Variants in MUC3A observed in about 807,000 individuals in gnomAD.
MUC3A encodes mucin 3A, cell surface associated.
MUC3A carries 109 observed loss-of-function variants against 109.0 expected under a neutral mutation model. The observed-to-expected ratio is 1.00, with a 90% CI of 0.86 to 1.17. The LOEUF (loss-of-function observed/expected upper bound fraction) is 1.17, where lower values mean the gene tolerates loss of function less well. MUC3A is among the 50% of genes most tolerant of loss of function. The probability of loss-of-function intolerance (pLI) is 0.00; values close to 1 mark genes in which losing one functional copy is unlikely to be tolerated. For synonymous variants in MUC3A, 1,398 were observed against 981.4 expected, an observed-to-expected ratio of 1.42 and a Z score of -7.93; for missense variants, 3,537 against 2,469.4, an observed-to-expected ratio of 1.43 and a Z score of -9.16.
intron 5 of MUC3A, chr7:100,964,112 C>T (rs564876374): frequency 6.5e-5 from 26 of 399,306 alleles, no homozygotes; most frequent in Middle Eastern, 7.1e-4. Context: ...CGTCTAGGGG[C>T]GCCCGGTGGA....
intron 1 of MUC3A, 137 bp downstream of exon 1, chr7:100,949,822 C>A: frequency 2.7e-6 from 2 of 747,856 alleles, no homozygotes; most frequent in Non-Finnish European, 3.8e-6. Context: ...GCAGGGAGAA[C>A]CGAGGCACGG....
chr7:100,966,361 G>C (rs745858173), intron 8 of MUC3A, 25 bp from the exon 9 acceptor site: 40 of 1,318,074 alleles, frequency 3.0e-5, no homozygotes, highest in Admixed American at 6.3e-5. Flanking sequence ...AGGTGAAGAG[G>C]GTCTGACCCT....
At position 100,960,859 on chromosome 7, in the gene MUC3A, T is replaced by G. The variant is rs753225758; in HGVS notation, c.8974T>G (p.Trp2992Gly). Reference protein sequence around the residue: ...LQTRCQNGGQWDGLKCQCPST... With the variant: ...LQTRCQNGGQGDGLKCQCPST... ...GACCAGATGCCAGAATGGGGGTCAG[T>G]GGGATGGCCTCAAATGCCAGTGCCC... Residue 2992 changes from tryptophan (W) to glycine (G), a missense_variant, in exon 3 of 12, where the codon TGG (tryptophan) becomes GGG (glycine). Transcript: ENST00000379458. The G allele has an allele frequency of 2.5e-5, 40 of 1,598,414 alleles. No homozygotes were observed. The highest frequency in any genetic ancestry group is 3.1e-5 in the Non-Finnish European group (37 of 1,179,818).
rs907098168 is a variant in MUC3A at position 100,954,599 on chromosome 7, A to G, written c.2820A>G (p.Thr940=). 698 of 400,774 alleles carry G rather than the reference A, an allele frequency of 1.7e-3. No homozygotes were observed. Among genetic ancestry groups the G allele is most frequent in the Non-Finnish European group, 2.1e-3 (488 of 227,662 alleles). The allele number at this position is 400,774 out of a possible 1,614,324, so 24.8% of individuals were successfully genotyped here. A position where few individuals can be genotyped will look rare whatever the true frequency, so the allele number is the denominator to read the frequency against. ...PRGTTSTLHT[T]VESTPSPTTT... The stretch of plus-strand genomic sequence containing the variant: ...GCACCACCAGTACACTCCACACAAC[A>G]GTTGAATCCACCCCATCACCCACTA... The change falls in exon 2 of 12, where the codon ACA becomes ACG. Residue 940 remains threonine (T), a synonymous_variant. Transcript: ENST00000379458.
chr7:100,960,852 G>A lies in MUC3A; in HGVS notation c.8967G>A (p.Gly2989=). The A allele has an allele frequency of 6.3e-7, 1 of 1,598,532 alleles. No homozygotes were observed. Among genetic ancestry groups the A allele is most frequent in the Non-Finnish European group, 8.5e-7 (1 of 1,179,810 alleles). ...RCQLQTRCQN[G]GQWDGLKCQC... ...AGCTCCAGACCAGATGCCAGAATGGGGGTCAGTGGGATGGCCTCAAATGCC... is the reference window on the plus strand; with the variant it reads ...AGCTCCAGACCAGATGCCAGAATGGAGGTCAGTGGGATGGCCTCAAATGCC... The change falls in exon 3 of 12, where the codon GGG becomes GGA. Residue 2989 remains glycine (G), a synonymous_variant. Coordinates refer to ENST00000379458, the MANE Select transcript of MUC3A (RefSeq NM_005960.2).
chr7:100,951,412 C>G (rs76387827), intron 1 of MUC3A, among the ~76,000 whole-genome samples: 25,265 of 133,168 alleles, frequency 0.19, no homozygotes, highest in African/African-American at 0.2. Flanking sequence ...AGCAGGGTGC[C>G]GGGAGAAGCA....
intron 7 of MUC3A, 43 bp from the exon 8 acceptor site, chr7:100,965,661 G>C: frequency 6.3e-7 from 1 of 1,575,264 alleles, no homozygotes; most frequent in Non-Finnish European, 8.6e-7. Flanking sequence ...GAATAGAATG[G>C]ATGAGGTCCT....
At chr7:100,965,225 TTGACCTTA>T in intron 6 of MUC3A, 49 bp from the exon 7 acceptor site, 1 of 1,554,412 alleles carries the variant, frequency 6.4e-7, no homozygotes, top group Non-Finnish European at 8.6e-7. Context: ...CGCTAACCCC[TTGACCTTA>T]ACCCCTTGAT....
At position 100,953,475 on chromosome 7, in the gene MUC3A, G is replaced by A. The variant is rs1792025517; in HGVS notation, c.1696G>A (p.Ala566Thr). Residue 566 changes from alanine to threonine, a missense_variant, in exon 2 of 12, where the codon GCT (alanine) becomes ACT (threonine). Ala to Thr is a moderately conservative substitution (Grantham distance 58). Transcript: ENST00000379458. ...PASTSTLHTTAESTLAPTTTT... is the reference protein window; with the variant it reads ...PASTSTLHTTTESTLAPTTTT... ...CAGCACCAGTACACTCCACACAACA[G>A]CTGAATCCACCCTGGCACCCACTAC... is the stretch of plus-strand genomic sequence containing the variant. The A allele has an allele frequency of 2.0e-5, 9 of 460,304 alleles. No individual in the cohort carries two copies. Among genetic ancestry groups the A allele is most frequent in the African/African-American group, 1.8e-4 (9 of 49,730 alleles). The allele number at this position is 460,304 out of a possible 1,614,324, so 28.5% of individuals were successfully genotyped here. A position where few individuals can be genotyped will look rare whatever the true frequency, so the allele number is the denominator to read the frequency against.
In MUC3A at chr7:100,965,295, G is replaced by A. The variant is rs1792491439; in HGVS notation, c.9396G>A (p.Lys3132=). 1 of 1,599,224 alleles carries A rather than the reference G, an allele frequency of 6.3e-7. No individual in the cohort carries two copies. Among genetic ancestry groups the A allele is most frequent in the South Asian group, 1.1e-5 (1 of 91,018 alleles). The change falls in exon 7 of 12, where the codon AAG becomes AAA. Residue 3132 remains lysine (K), a synonymous_variant. Coordinates refer to ENST00000379458, the MANE Select transcript of MUC3A (RefSeq NM_005960.2). ...GTGTTTCCGCAGCCCTGTGTTTTAA[G>A]CCTGACTCCATCAAGGTGAACAACA... ...SCQDSQTLCF[K]PDSIKVNNNS... is the part of the protein sequence containing the mutation.
At position 100,966,503 on chromosome 7, in the gene MUC3A, G is replaced by C; in HGVS notation, c.9729G>C (p.Leu3243=). 7.7e-7 allele frequency: 1 copy of C among 1,304,858 alleles called. No individual in the cohort carries two copies. Among genetic ancestry groups the C allele is most frequent in the Middle Eastern group, 2.3e-4 (1 of 4,268 alleles). 80.8% of individuals were successfully genotyped at this position (1,304,858 alleles called of 1,614,324 possible). ...AGAALLVLLL[L]ALGVRAVRSG... is the part of the protein sequence containing the mutation. ...CCGCGCTGCTGGTGCTGCTGCTGCTGGCGCTGGGCGTCCGGGCGGTGCGCT... is the reference window on the plus strand; with the variant it reads ...CCGCGCTGCTGGTGCTGCTGCTGCTCGCGCTGGGCGTCCGGGCGGTGCGCT... The change falls in exon 9 of 12, where the codon CTG becomes CTC. Residue 3243 remains leucine (L), a synonymous_variant. Transcript: ENST00000379458.
At chr7:100,963,501 G>A (rs182841699) in intron 4 of MUC3A, among the ~76,000 whole-genome samples, 187 bp from the exon 5 acceptor site, 141 of 152,370 alleles carry the variant, frequency 9.3e-4, no homozygotes, top group African/African-American at 3.2e-3. Context: ...TGGCCAGACT[G>A]GTCTCGAACT....
In MUC3A at chr7:100,958,292, C is replaced by A. The variant is rs1792155540; in HGVS notation, c.6513C>A (p.Thr2171=). 188 of 121,510 alleles carry A rather than the reference C, an allele frequency of 1.5e-3. 1 individual carries two copies. The highest frequency in any genetic ancestry group is 6.6e-3 in the East Asian group (7 of 1,066). 7.5% of individuals were successfully genotyped at this position (121,510 alleles called of 1,614,324 possible). A position where few individuals can be genotyped will look rare whatever the true frequency, so the allele number is the denominator to read the frequency against. ...FTSLITTTET[T]SHRWGTTETT... is the part of the protein sequence containing the mutation. ...CTTTGATCACCACCACGGAGACCACCTCACACAGGTGGGGGACCACCGAGA... is the reference window on the plus strand; with the variant it reads ...CTTTGATCACCACCACGGAGACCACATCACACAGGTGGGGGACCACCGAGA... The change falls in exon 2 of 12, where the codon ACC becomes ACA. Residue 2171 remains threonine (T), a synonymous_variant. Transcript: ENST00000379458.
intron 6 of MUC3A, 146 bp from the exon 7 acceptor site, chr7:100,965,135 TG>T: frequency 8.6e-7 from 1 of 1,160,920 alleles, no homozygotes; most frequent in Non-Finnish European, 1.1e-6. Context: ...TCTTCGCCTG[TG>T]GCTCTCTCCG....
rs1469648235 is a variant in MUC3A, at chr7:100,957,619, A to G, written c.5840A>G (p.Asn1947Ser). The G allele has an allele frequency of 1.9e-6, 2 of 1,045,932 alleles. No individual in the cohort carries two copies. The highest frequency in any genetic ancestry group is 2.2e-4 in the Admixed American group (2 of 9,040). 64.8% of individuals were successfully genotyped at this position (1,045,932 alleles called of 1,614,324 possible). A position where few individuals can be genotyped will look rare whatever the true frequency, so the allele number is the denominator to read the frequency against. ...STPRFTSSIT[N>S]TKTTSHSSPS... is the part of the protein sequence containing the mutation. ...CCCAGATTCACTTCTTCAATCACCA[A>G]TACCAAGACCACCTCACACAGCTCT... The change falls in exon 2 of 12, where the codon AAT (asparagine) becomes AGT (serine). Residue 1947 changes from asparagine (N) to serine (S), a missense_variant. Asn to Ser is a conservative substitution (Grantham distance 46). Transcript: ENST00000379458.
chr7:100,965,033 T>C (rs1238703413), intron 6 of MUC3A, 190 bp downstream of exon 6: 7 of 1,118,722 alleles, frequency 6.3e-6, no homozygotes, highest in Non-Finnish European at 8.7e-6. Flanking sequence ...ACCTCGGTAC[T>C]GGGAAAGAGA....
chr7:100,965,521 G>C (rs1457458463), intron 7 of MUC3A, 174 bp downstream of exon 7: 1 of 1,415,682 alleles, frequency 7.1e-7, no homozygotes, highest in Non-Finnish European at 9.5e-7. Context: ...GACAGCAGGG[G>C]CCACGAGGAG....
rs62483700 is a variant in MUC3A, at chr7:100,960,006, T to A, written c.8227T>A (p.Ser2743Thr). ...TTCCTCTGCAACTACCAGCACTTCT[T>A]CAACCAGCTCCTCTCTGACCACAGC... Reference protein sequence around the residue: ...LSSSATTSTSSTSSSLTTALT... With the variant: ...LSSSATTSTSTTSSSLTTALT... Residue 2743 changes from serine (S) to threonine (T), a missense_variant, in exon 2 of 12, where the codon TCA becomes ACA. Coordinates refer to ENST00000379458, the MANE Select transcript of MUC3A (RefSeq NM_005960.2). The A allele has an allele frequency of 6.6e-7, 1 of 1,504,770 alleles. No homozygotes were observed. Among genetic ancestry groups the A allele is most frequent in the Non-Finnish European group, 8.8e-7 (1 of 1,137,716 alleles). 93.2% of individuals were successfully genotyped at this position (1,504,770 alleles called of 1,614,324 possible).
In MUC3A at chr7:100,955,296, G is replaced by A. The variant is rs944301096; in HGVS notation, c.3517G>A (p.Ala1173Thr). 3 of 670,952 alleles carry A rather than the reference G, an allele frequency of 4.5e-6. No individual in the cohort carries two copies. Among genetic ancestry groups the A allele is most frequent in the African/African-American group, 1.8e-5 (1 of 54,796 alleles). 41.6% of individuals were successfully genotyped at this position (670,952 alleles called of 1,614,324 possible). A position where few individuals can be genotyped will look rare whatever the true frequency, so the allele number is the denominator to read the frequency against. Residue 1173 changes from alanine to threonine, a missense_variant, in exon 2 of 12, where the codon GCT (alanine) becomes ACT (threonine). By Grantham distance (58) the Ala-to-Thr change is moderately conservative. Transcript: ENST00000379458. ...VSTSTTAISS[A>T]SPTSGTMVTS... ...CACATCCACAACTGCCATCTCCTCA[G>A]CTTCCCCTACCTCAGGTACCATGGT...
Sources: allele counts gnomAD v4.1 joint callset (sites outside exome capture counted in the v4.1 genomes callset), GRCh38; gene constraint gnomAD v4.1.1; transcripts MANE v1.5; gene names NCBI Gene and HGNC (gene_info 2026-07-23, HGNC 2026-07-21).